The following GBE1 variants were observed in gnomAD, a reference collection of about 807,000 sequenced individuals.
The protein encoded by GBE1 is 1,4-alpha-glucan branching enzyme 1, also known as 1,4-alpha-glucan-branching enzyme.
Under a neutral mutation model 88.8 loss-of-function variants are expected in GBE1, and 70 were observed. The ratio of observed to expected loss-of-function variants is 0.79; its 90% CI spans 0.65 to 0.96. GBE1 has a LOEUF of 0.96. Among genes scored for constraint, GBE1 ranks in the 40% least tolerant of loss-of-function variants. The pLI is 0.00. For missense variants in GBE1, 872 were observed against 871.0 expected, an observed-to-expected ratio of 1.00 and a Z score of -0.01; for synonymous variants, 284 against 300.1, an observed-to-expected ratio of 0.95 and a Z score of 0.56.
At chr3:81,576,268 A>G (rs906367792) in intron 12 of GBE1, among the ~76,000 whole-genome samples, 21 of 151,954 alleles carry the variant, frequency 1.4e-4, no homozygotes, top group African/African-American at 5.1e-4. Flanking sequence ...CATAGTTATC[A>G]AATAGAAAAA....
intron 14 of GBE1, among the ~76,000 whole-genome samples, chr3:81,511,394 G>T (rs1195559951): frequency 6.6e-6 from 1 of 151,952 alleles, no homozygotes; most frequent in Non-Finnish European, 1.5e-5. Flanking sequence ...ACAACATACA[G>T]AATGGGAGAA....
intron 7 of GBE1, among the ~76,000 whole-genome samples, chr3:81,619,273 T>G (rs1262226063): frequency 6.6e-6 from 1 of 152,116 alleles, no homozygotes; most frequent in South Asian, 2.1e-4. Context: ...ATGAACTTGA[T>G]CCAAATTTAT....
intron 14 of GBE1, among the ~76,000 whole-genome samples, chr3:81,499,922 G>T (rs943685645): frequency 1.3e-5 from 2 of 152,132 alleles, no homozygotes; most frequent in Non-Finnish European, 2.9e-5. Context: ...AATTAAATAT[G>T]CATTGGTACC....
At chr3:81,752,974 T>C (rs1706552005) in intron 1 of GBE1, among the ~76,000 whole-genome samples, 1 of 152,214 alleles carries the variant, frequency 6.6e-6, no homozygotes, top group African/African-American at 2.4e-5. Context: ...TTACTGAGCA[T>C]CTTCACATGT....
intron 10 of GBE1, among the ~76,000 whole-genome samples, chr3:81,583,819 G>A (rs1162825125): frequency 6.6e-6 from 1 of 151,956 alleles, no homozygotes; most frequent in African/African-American, 2.4e-5. Context: ...GGCAATGAAC[G>A]TGTTTTGCAC....
chr3:81,590,937 C>T (rs1703868986), intron 9 of GBE1, 100 bp downstream of exon 9: 6 of 1,022,648 alleles, frequency 5.9e-6, no homozygotes, highest in South Asian at 2.4e-5. Context: ...TTCATTTACG[C>T]AATTATTGAC....
At position 81,536,943 on chromosome 3, in the gene GBE1, C is replaced by T; in HGVS notation, c.1771G>A (p.Glu591Lys). Residue 591 changes from glutamate (E) to lysine (K), a missense_variant, in exon 13 of 16, where the codon GAA (glutamate) becomes AAA (lysine). Glu to Lys is a moderately conservative substitution (Grantham distance 56). Transcript: ENST00000429644. ...GCTGCAAGCCAACCATATCTTTCTT[C>T]CAATCTATTCATATCCCTGTCAAAA... ...NNFDRDMNRLEERYGWLAAPQ... is the reference protein window; with the variant it reads ...NNFDRDMNRLKERYGWLAAPQ... The T allele has an allele frequency of 6.3e-7, 1 of 1,582,918 alleles. No individual in the cohort carries two copies. The highest frequency in any genetic ancestry group is 8.6e-7 in the Non-Finnish European group (1 of 1,166,998).
At chr3:81,494,350 G>T (rs1426057743) in intron 15 of GBE1, among the ~76,000 whole-genome samples, 1 of 152,020 alleles carries the variant, frequency 6.6e-6, no homozygotes, top group African/African-American at 2.4e-5. Flanking sequence ...ACAATTTGGG[G>T]TTCCTAAAAT....
intron 7 of GBE1, among the ~76,000 whole-genome samples, chr3:81,610,724 C>T (rs1248704553): frequency 6.6e-6 from 1 of 152,104 alleles, no homozygotes; most frequent in Non-Finnish European, 1.5e-5. Context: ...AGAACTGCAC[C>T]CCTTTCCTCT....
chr3:81,628,650 T>C (rs1376679230), intron 7 of GBE1, among the ~76,000 whole-genome samples: 1 of 149,950 alleles, frequency 6.7e-6, no homozygotes, highest in Non-Finnish European at 1.5e-5. Context: ...AAAACTCAAT[T>C]GAACAGTCTG....
At chr3:81,583,805 T>C (rs941067932) in intron 10 of GBE1, among the ~76,000 whole-genome samples, 13 of 152,092 alleles carry the variant, frequency 8.5e-5, no homozygotes, top group African/African-American at 3.1e-4. Flanking sequence ...TGAGGGAATC[T>C]TGTGGCAATG....
chr3:81,758,819 G>C (rs1489122203), intron 1 of GBE1, among the ~76,000 whole-genome samples: 1 of 152,124 alleles, frequency 6.6e-6, no homozygotes, highest in African/African-American at 2.4e-5. Context: ...GGTACAGAAG[G>C]TGAAAAGAAC....
chr3:81,750,643 A>ATGTG lies in GBE1; in HGVS notation c.143+10731_143+10732insCACA, dbSNP rs1453874485. ...TATATATATATACGTATATATATAT[A>ATGTG]TGTATATATATATATGTATATATAT... On this transcript the variant is annotated intron_variant, in intron 1 of 15. Transcript: ENST00000429644. Among the ~76,000 whole-genome samples the ATGTG allele has an allele frequency of 6.0e-5, 3 of 49,744 alleles. No individual in the cohort carries two copies. The Admixed American group carries it at 9.1e-4, about 15-fold the overall frequency. The allele number at this position is 49,744 out of a possible 152,430, so 32.6% of individuals were successfully genotyped here. A position where few individuals can be genotyped will look rare whatever the true frequency, so the allele number is the denominator to read the frequency against.
At chr3:81,575,034 G>C (rs141649130) in intron 12 of GBE1, among the ~76,000 whole-genome samples, 1 of 151,632 alleles carries the variant, frequency 6.6e-6, no homozygotes, top group African/African-American at 2.4e-5. Context: ...GCGTGGTGGC[G>C]GGCACCTGTA....
intron 1 of GBE1, among the ~76,000 whole-genome samples, chr3:81,710,607 A>G (rs1001811228): frequency 1.8e-4 from 28 of 152,046 alleles, no homozygotes; most frequent in African/African-American, 6.0e-4. Flanking sequence ...TAACATGTTA[A>G]TTGGGGGCTC....
At chr3:81,741,152 A>C (rs1706344674) in intron 1 of GBE1, among the ~76,000 whole-genome samples, 1 of 152,186 alleles carries the variant, frequency 6.6e-6, no homozygotes, top group Admixed American at 6.6e-5. Context: ...TCTATATAAA[A>C]ACATCTTTGA....
At chr3:81,670,766 T>A in intron 3 of GBE1, 72 bp downstream of exon 3, 1 of 808,518 alleles carries the variant, frequency 1.2e-6, no homozygotes, top group South Asian at 1.8e-5. Flanking sequence ...TTCTAATAGT[T>A]TAAATCAAAC....
At chr3:81,535,137 A>C in intron 14 of GBE1, 58 bp downstream of exon 14, 1 of 1,383,682 alleles carries the variant, frequency 7.2e-7, no homozygotes, top group Non-Finnish European at 9.6e-7. Flanking sequence ...TTTTTGTCCT[A>C]TAATGTAATA....
intron 1 of GBE1, among the ~76,000 whole-genome samples, chr3:81,757,473 A>C (rs1274052669): frequency 6.6e-6 from 1 of 152,218 alleles, no homozygotes; most frequent in African/African-American, 2.4e-5. Flanking sequence ...AAAAAAGAAC[A>C]ACAGCTATGA....
Sources: gnomAD v4.1 joint callset for allele counts (sites outside exome capture counted in the v4.1 genomes callset) on GRCh38, gnomAD v4.1.1 for gene constraint, MANE v1.5 for transcripts, NCBI Gene and HGNC (gene_info 2026-07-23, HGNC 2026-07-21) for gene names.